The following SRR variants were observed in gnomAD, a reference collection of about 807,000 sequenced individuals.
SRR encodes the protein D-serine ammonia-lyase.
Under a neutral mutation model 32.7 loss-of-function variants are expected in SRR, and 19 were observed. The ratio of observed to expected loss-of-function variants is 0.58; its 90% CI spans 0.40 to 0.85. The LOEUF (loss-of-function observed/expected upper bound fraction) is 0.85, where lower values mean the gene tolerates loss of function less well. Ranked by LOEUF, SRR falls within the 40% of genes least tolerant of loss-of-function variation. The probability of loss-of-function intolerance (pLI) is 0.00; values close to 1 mark genes in which losing one functional copy is unlikely to be tolerated. For synonymous variants in SRR, 142 were observed against 140.9 expected, an observed-to-expected ratio of 1.01 and a Z score of -0.06; for missense variants, 373 against 404.7, an observed-to-expected ratio of 0.92 and a Z score of 0.67.
chr17:2,307,124 G>C, intron 1 of SRR: 2 of 1,159,074 alleles, frequency 1.7e-6, no homozygotes, highest in Non-Finnish European at 2.6e-6. Context: ...TATCACCTAA[G>C]TGATTATTTT....
At chr17:2,303,792 G>A (rs2075347594), upstream of SRR, 16 of 1,285,328 alleles carry the variant, frequency 1.2e-5, no homozygotes, top group Non-Finnish European at 1.6e-5. Context: ...CCACAGACGG[G>A]CGGCGCGCGC....
chr17:2,319,948 AGCTGGGACTACAGGC>A (rs1215685503), intron 4 of SRR, among the ~76,000 whole-genome samples: 1 of 150,856 alleles, frequency 6.6e-6, no homozygotes, highest in African/African-American at 2.4e-5. Flanking sequence ...CCTCCCGAGT[AGCTGGGACTACAGGC>A]GCCTGCCACC....
At chr17:2,320,263 T>TC (rs1358856273) in intron 4 of SRR, among the ~76,000 whole-genome samples, 1 of 144,908 alleles carries the variant, frequency 6.9e-6, no homozygotes, top group African/African-American at 2.6e-5. Flanking sequence ...TTTTTTTTTT[T>TC]TTTTTTTTTT....
intron 1 of SRR, among the ~76,000 whole-genome samples, chr17:2,305,407 A>G (rs2075380246): frequency 6.6e-6 from 1 of 152,224 alleles, no homozygotes; most frequent in South Asian, 2.1e-4. Flanking sequence ...AACCAGTTCA[A>G]GAAAATTTAC....
intron 1 of SRR, chr17:2,307,412 G>A (rs917438988): frequency 2.6e-5 from 32 of 1,233,970 alleles, no homozygotes; most frequent in Admixed American, 1.4e-4. Context: ...AACTTTGGTT[G>A]TGAAGGAAAT....
chr17:2,318,619 ATTTTTTTTTT>A lies in SRR; in HGVS notation c.296-192_296-183del, dbSNP rs35847724. 1.2e-4 allele frequency among the ~76,000 whole-genome samples: 11 copies of A among 92,530 alleles called. No homozygotes were observed. The South Asian group carries it at 3.3e-3, about 28-fold the overall frequency. 60.7% of individuals were successfully genotyped at this position (92,530 alleles called of 152,430 possible). A position where few individuals can be genotyped will look rare whatever the true frequency, so the allele number is the denominator to read the frequency against. ...CAGGAGCCTGCCACCATGCCTGGCT[ATTTTTTTTTT>A]TTTTTTTTTTTTTTGTATTTTTAGT... On this transcript the variant is annotated intron_variant, in intron 3 of 7. Coordinates refer to ENST00000344595, the MANE Select transcript of SRR (RefSeq NM_021947.3).
At chr17:2,306,598 T>C (rs943310579) in intron 1 of SRR, among the ~76,000 whole-genome samples, 13 of 151,802 alleles carry the variant, frequency 8.6e-5, no homozygotes, top group Non-Finnish European at 1.9e-4. Context: ...GTGCCTGTAA[T>C]CCCAGCTACT....
chr17:2,309,106 G>A (rs565590341), intron 1 of SRR, among the ~76,000 whole-genome samples: 45 of 152,180 alleles, frequency 3.0e-4, no homozygotes, highest in African/African-American at 7.2e-4. Context: ...CAACAAGAGC[G>A]AAACTCCATC....
chr17:2,317,206 GGAAAAAAAAA>G (rs2075481461), intron 2 of SRR, among the ~76,000 whole-genome samples: 1 of 111,836 alleles, frequency 8.9e-6, no homozygotes, highest in African/African-American at 3.6e-5. Context: ...CCATCTCGGG[GGAAAAAAAAA>G]AAAAAAAAAA....
In SRR at chr17:2,321,628, C is replaced by T. The variant is rs1387848024; in HGVS notation, c.594+12C>T. ...CAATTACAGTTAAGGTGAGCAGCTT[C>T]TGGAGGATTCCCTGCTTCAAGCAGA... On this transcript the variant is annotated intron_variant, in intron 6 of 7. Coordinates refer to ENST00000344595, the MANE Select transcript of SRR (RefSeq NM_021947.3). The T allele has an allele frequency of 6.2e-7, 1 of 1,613,088 alleles. No homozygotes were observed. The highest frequency in any genetic ancestry group is 2.2e-5 in the East Asian group (1 of 44,868).
At chr17:2,303,607 C>G (rs1330493523), upstream of SRR, 3 of 1,424,402 alleles carry the variant, frequency 2.1e-6, no homozygotes, top group Non-Finnish European at 2.7e-6. Context: ...GCAGGCCCGG[C>G]CCAGGAGCTG....
At chr17:2,321,156 G>A in intron 4 of SRR, 150 bp from the exon 5 acceptor site, 1 of 889,248 alleles carries the variant, frequency 1.1e-6, no homozygotes, top group Non-Finnish European at 1.8e-6. Context: ...CGTGCTTGAG[G>A]GCAGGGATAT....
Position 2,318,886 on chromosome 17 carries a change from A to C in SRR, c.356A>C (p.Gln119Pro). 1 of 1,613,888 alleles carries C rather than the reference A, an allele frequency of 6.2e-7. No homozygotes were observed. The highest frequency in any genetic ancestry group is 8.5e-7 in the Non-Finnish European group (1 of 1,179,902). The change falls in exon 4 of 8, where the codon CAA (glutamine) becomes CCA (proline). Residue 119 changes from glutamine (Q) to proline (P), a missense_variant. Coordinates refer to ENST00000344595, the MANE Select transcript of SRR (RefSeq NM_021947.3). ...CCAGACTGTAAAAAACTTGCAATACAAGCCTACGGAGCGTCAATTGTATAC... is the reference window on the plus strand; with the variant it reads ...CCAGACTGTAAAAAACTTGCAATACCAGCCTACGGAGCGTCAATTGTATAC... ...TAPDCKKLAI[Q>P]AYGASIVYCE...
In SRR at chr17:2,321,624, G is replaced by A. The variant is rs772743757; in HGVS notation, c.594+8G>A. On this transcript the variant is annotated splice_region_variant and intron_variant, in intron 6 of 7. Coordinates refer to ENST00000344595, the MANE Select transcript of SRR (RefSeq NM_021947.3). ...ATAGCAATTACAGTTAAGGTGAGCA[G>A]CTTCTGGAGGATTCCCTGCTTCAAG... 1 of 1,613,474 alleles carries A rather than the reference G, an allele frequency of 6.2e-7. No individual in the cohort carries two copies. The highest frequency in any genetic ancestry group is 8.5e-7 in the Non-Finnish European group (1 of 1,179,646).
At chr17:2,322,328 C>G (rs969828555) in intron 6 of SRR, among the ~76,000 whole-genome samples, 19 of 152,164 alleles carry the variant, frequency 1.2e-4, no homozygotes, top group African/African-American at 4.3e-4. Context: ...AAGCTACTAT[C>G]CATACCAAGG....
At position 2,306,562 on chromosome 17, in the gene SRR, CAA is replaced by C. The variant is rs565934727; in HGVS notation, c.-5+2549_-5+2550del. Among the ~76,000 whole-genome samples, 134 of 151,706 alleles carry C rather than the reference CAA, an allele frequency of 8.8e-4. 1 individual carries two copies. The highest frequency in any genetic ancestry group is 1.5e-3 in the Non-Finnish European group (99 of 67,868). The stretch of plus-strand genomic sequence containing the variant: ...CGAAACCCCGTCTCTACTAAAAATA[CAA>C]AAACTAGCCGGGCGTGGTGGTGGGT... On this transcript the variant is annotated intron_variant, in intron 1 of 7. Coordinates refer to ENST00000344595, the MANE Select transcript of SRR (RefSeq NM_021947.3).
Position 2,318,853 on chromosome 17 carries a change from A to G in SRR, c.323A>G (p.Gln108Arg). 3 of 1,613,736 alleles carry G rather than the reference A, an allele frequency of 1.9e-6. No homozygotes were observed. Among genetic ancestry groups the G allele is most frequent in the Non-Finnish European group, 2.5e-6 (3 of 1,179,794 alleles). The change falls in exon 4 of 8, where the codon CAG (glutamine) becomes CGG (arginine). Residue 108 changes from glutamine (Q) to arginine (R), a missense_variant. By Grantham distance (43) the Gln-to-Arg change is conservative (BLOSUM62 1). Transcript: ENST00000344595. Reference protein sequence around the residue: ...EGIPAYIVVPQTAPDCKKLAI... With the variant: ...EGIPAYIVVPRTAPDCKKLAI... ...ATTCCTGCTTATATTGTGGTGCCCC[A>G]GACAGCTCCAGACTGTAAAAAACTT...
At chr17:2,304,648 G>A (rs935901489) in intron 1 of SRR, among the ~76,000 whole-genome samples, 4 of 151,744 alleles carry the variant, frequency 2.6e-5, no homozygotes, top group African/African-American at 9.7e-5. Flanking sequence ...CCGGCGACTC[G>A]GAACGCTGAG....
At chr17:2,308,051 A>G (rs2075405830) in intron 1 of SRR, among the ~76,000 whole-genome samples, 1 of 151,086 alleles carries the variant, frequency 6.6e-6, no homozygotes, top group Non-Finnish European at 1.5e-5. Context: ...GTCTTTTTAA[A>G]AAAAAAAAAC....
Sources: gnomAD v4.1 joint callset for allele counts (sites outside exome capture counted in the v4.1 genomes callset) on GRCh38, gnomAD v4.1.1 for gene constraint, MANE v1.5 for transcripts, NCBI Gene and HGNC (gene_info 2026-07-23, HGNC 2026-07-21) for gene names.